GPC5: variants seen among roughly 807,000 people sequenced by gnomAD.
GPC5 encodes the protein glypican-5.
In GPC5, 47 loss-of-function variants were observed where a neutral mutation model predicts 53.9. The observed-to-expected ratio is 0.87, with a 90% CI of 0.69 to 1.11. The LOEUF is 1.11. GPC5 is among the 50% of genes most tolerant of loss of function. The pLI is 0.00. For missense variants in GPC5, 748 were observed against 713.1 expected, an observed-to-expected ratio of 1.05 and a Z score of -0.56; for synonymous variants, 286 against 263.3, an observed-to-expected ratio of 1.09 and a Z score of -0.84.
At chr13:91,450,688 T>C (rs142046043) in intron 2 of GPC5, among the ~76,000 whole-genome samples, 38 of 152,306 alleles carry the variant, frequency 2.5e-4, no homozygotes, top group African/African-American at 8.7e-4. Flanking sequence ...TTCTGTTTAC[T>C]AAATTTTATC....
intron 7 of GPC5, among the ~76,000 whole-genome samples, chr13:92,437,594 A>T (rs1877362930): frequency 6.6e-6 from 1 of 152,266 alleles, no homozygotes; most frequent in South Asian, 2.1e-4. Flanking sequence ...TTGAACTCCA[A>T]CTTGTTTTAG....
At chr13:92,283,401 A>T (rs1167188227) in intron 7 of GPC5, among the ~76,000 whole-genome samples, 1 of 152,198 alleles carries the variant, frequency 6.6e-6, no homozygotes, top group African/African-American at 2.4e-5. Context: ...CCTAATAGAC[A>T]TCTTCAGAAC....
chr13:92,126,923 G>C (rs2041702741), intron 6 of GPC5, among the ~76,000 whole-genome samples: 1 of 151,978 alleles, frequency 6.6e-6, no homozygotes, highest in Admixed American at 6.6e-5. Context: ...GTGCTTAGAT[G>C]GCTCTGAATT....
chr13:92,129,762 G>A (rs2138959899), intron 6 of GPC5, among the ~76,000 whole-genome samples: 1 of 152,224 alleles, frequency 6.6e-6, no homozygotes, highest in South Asian at 2.1e-4. Flanking sequence ...TAGAAATAAT[G>A]TAAATTGATC....
At chr13:91,827,351 G>C (rs1035070146) in intron 5 of GPC5, among the ~76,000 whole-genome samples, 4 of 151,534 alleles carry the variant, frequency 2.6e-5, no homozygotes, top group African/African-American at 9.7e-5. Flanking sequence ...CAAATGATAA[G>C]TATCCTCATG....
At position 92,102,086 on chromosome 13, in the gene GPC5, TATC is replaced by T. The variant is rs1449426782; in HGVS notation, c.1402-42741_1402-42739del. On this transcript the variant is annotated intron_variant, in intron 6 of 7. Coordinates refer to ENST00000377067, the MANE Select transcript of GPC5 (RefSeq NM_004466.6). Reference sequence around the variant, plus strand: ...TCATAAGTGTGTATTTAATGATTGATATCATATAAATAGATGAATTTTCCTTAA... The same window carrying T: ...TCATAAGTGTGTATTTAATGATTGATATATAAATAGATGAATTTTCCTTAA... Among the ~76,000 whole-genome samples the T allele has an allele frequency of 3.9e-5, 6 of 152,192 alleles. No individual in the cohort carries two copies. The South Asian group carries it at 1.0e-3, about 26-fold the overall frequency.
chr13:91,591,458 A>AT (rs936141173), intron 2 of GPC5, among the ~76,000 whole-genome samples: 1 of 151,964 alleles, frequency 6.6e-6, no homozygotes, highest in Non-Finnish European at 1.5e-5. Context: ...GGTTCTTGGT[A>AT]TTTTTTGAGT....
chr13:92,516,813 G>A (rs1335142715), intron 7 of GPC5, among the ~76,000 whole-genome samples: 3 of 152,122 alleles, frequency 2.0e-5, no homozygotes, highest in Admixed American at 2.0e-4. Flanking sequence ...TCTCACTGGG[G>A]TTCATCGGAC....
intron 2 of GPC5, among the ~76,000 whole-genome samples, chr13:91,646,035 A>C (rs2034549877): frequency 6.6e-6 from 1 of 152,218 alleles, no homozygotes; most frequent in African/African-American, 2.4e-5. Context: ...AAAATAAAGC[A>C]AGAATATTGT....
intron 2 of GPC5, among the ~76,000 whole-genome samples, chr13:91,665,688 G>A (rs576754806): frequency 2.3e-4 from 35 of 152,050 alleles, no homozygotes; most frequent in African/African-American, 7.7e-4. Context: ...ATTTTTTTTA[G>A]TAGAGATGGG....
At chr13:92,469,700 CTTCT>C (rs1594228783) in intron 7 of GPC5, among the ~76,000 whole-genome samples, 1 of 152,160 alleles carries the variant, frequency 6.6e-6, no homozygotes, top group East Asian at 1.9e-4. Flanking sequence ...CTTCTTGTAA[CTTCT>C]ATGTTTAAAA....
intron 7 of GPC5, among the ~76,000 whole-genome samples, chr13:92,268,255 T>A (rs1218740802): frequency 2.6e-5 from 4 of 152,032 alleles, no homozygotes; most frequent in Admixed American, 1.3e-4. Flanking sequence ...AAAAGGAAAT[T>A]AAAAATTCTC....
chr13:91,673,629 C>G (rs1174453131), intron 2 of GPC5, among the ~76,000 whole-genome samples: 1 of 152,128 alleles, frequency 6.6e-6, no homozygotes, highest in Non-Finnish European at 1.5e-5. Flanking sequence ...GCAGGAAATA[C>G]CACCACAGAG....
intron 7 of GPC5, among the ~76,000 whole-genome samples, chr13:92,149,748 A>G (rs2041893868): frequency 6.6e-6 from 1 of 152,012 alleles, no homozygotes; most frequent in South Asian, 2.1e-4. Flanking sequence ...CTTCACTTCA[A>G]AAGTCTCAGG....
At chr13:92,296,821 G>A (rs929453905) in intron 7 of GPC5, among the ~76,000 whole-genome samples, 13 of 152,184 alleles carry the variant, frequency 8.5e-5, no homozygotes, top group Non-Finnish European at 1.5e-4. Context: ...CAGTGGCTGC[G>A]GAGGGTGTAT....
intron 6 of GPC5, among the ~76,000 whole-genome samples, chr13:91,944,171 C>T (rs1387614721): frequency 1.3e-5 from 2 of 151,998 alleles, no homozygotes; most frequent in African/African-American, 2.4e-5. Flanking sequence ...ACTCAGCTCA[C>T]TGCAAGCTCC....
intron 6 of GPC5, among the ~76,000 whole-genome samples, chr13:92,072,576 T>A (rs1178208543): frequency 2.7e-5 from 4 of 145,704 alleles, no homozygotes; most frequent in African/African-American, 1.0e-4. Context: ...TAAATTTTTT[T>A]TTTTTTTTTT....
At chr13:92,326,659 G>C (rs1335553495) in intron 7 of GPC5, among the ~76,000 whole-genome samples, 1 of 152,020 alleles carries the variant, frequency 6.6e-6, no homozygotes, top group Non-Finnish European at 1.5e-5. Flanking sequence ...TATAATAACT[G>C]GTCTAGTTCT....
At chr13:92,558,345 A>G (rs1387344147) in intron 7 of GPC5, among the ~76,000 whole-genome samples, 1 of 152,014 alleles carries the variant, frequency 6.6e-6, no homozygotes, top group Non-Finnish European at 1.5e-5. Context: ...AATAAAAGAA[A>G]CTAACATATG....
Sources: gnomAD v4.1 joint callset for allele counts (sites outside exome capture counted in the v4.1 genomes callset) on GRCh38, gnomAD v4.1.1 for gene constraint, MANE v1.5 for transcripts, NCBI Gene and HGNC (gene_info 2026-07-23, HGNC 2026-07-21) for gene names.